Variants in TPRG1 observed in about 807,000 individuals in gnomAD.
TPRG1 encodes tumor protein p63-regulated gene 1 protein.
Under a neutral mutation model 29.3 loss-of-function variants are expected in TPRG1, and 29 were observed. The observed-to-expected ratio is 0.99, with a 90% CI of 0.74 to 1.35. TPRG1 has a LOEUF of 1.35. TPRG1 is among the 40% of genes most tolerant of loss of function. TPRG1 has a pLI of 0.00. For synonymous variants in TPRG1, 130 were observed against 116.8 expected, an observed-to-expected ratio of 1.11 and a Z score of -0.73; for missense variants, 327 against 335.0, an observed-to-expected ratio of 0.98 and a Z score of 0.19.
At chr3:189,285,801 A>G (rs568500696) in intron 4 of TPRG1, among the ~76,000 whole-genome samples, 2 of 152,308 alleles carry the variant, frequency 1.3e-5, no homozygotes, top group East Asian at 3.9e-4. Context: ...CTGACTCCAA[A>G]GCCTGTGATT....
rs1375934 is a variant in TPRG1 at position 189,174,550 on chromosome 3, C to A, written c.-10+2419C>A. Among the ~76,000 whole-genome samples the A allele has an allele frequency of 5.6e-3, 854 of 152,280 alleles. 9 individuals are homozygous for A. The highest frequency in any genetic ancestry group is 0.018 in the African/African-American group (749 of 41,558). On this transcript the variant is annotated intron_variant, in intron 1 of 5. Coordinates refer to ENST00000345063, the MANE Select transcript of TPRG1 (RefSeq NM_198485.4). ...ATTCCTTTCAATCATTCTCTTTCAA[C>A]GGAAACCTAGTTCTACATAATGACA...
intron 5 of TPRG1, among the ~76,000 whole-genome samples, chr3:189,314,758 T>C (rs747082439): frequency 1.3e-5 from 2 of 152,220 alleles, no homozygotes; most frequent in Admixed American, 6.5e-5. Flanking sequence ...ATTTGAATAC[T>C]ATTTTCATGT....
intron 5 of TPRG1, among the ~76,000 whole-genome samples, chr3:189,157,893 T>C (rs2108619931): frequency 6.6e-6 from 1 of 152,300 alleles, no homozygotes; most frequent in Non-Finnish European, 1.5e-5. Context: ...AGCACAAGAC[T>C]GAATGACTGG....
chr3:189,293,892 C>A (rs1307297968), intron 4 of TPRG1, among the ~76,000 whole-genome samples: 1 of 152,184 alleles, frequency 6.6e-6, no homozygotes, highest in Admixed American at 6.5e-5. Context: ...CAGTTCATAT[C>A]TCTTCCCTTA....
intron 4 of TPRG1, among the ~76,000 whole-genome samples, chr3:189,057,994 T>C (rs911029337): frequency 1.3e-5 from 2 of 151,794 alleles, no homozygotes; most frequent in Non-Finnish European, 2.9e-5. Context: ...TGTGTATATA[T>C]TATGCTGAAT....
chr3:189,211,073 A>G (rs1342203777), intron 2 of TPRG1, among the ~76,000 whole-genome samples: 1 of 152,170 alleles, frequency 6.6e-6, no homozygotes, highest in Non-Finnish European at 1.5e-5. Flanking sequence ...CTGCTCTTAT[A>G]TATTTAGGTG....
chr3:189,155,755 G>A (rs1726584772), intron 5 of TPRG1, among the ~76,000 whole-genome samples: 2 of 152,222 alleles, frequency 1.3e-5, no homozygotes, highest in Non-Finnish European at 2.9e-5. Flanking sequence ...AATACTGCCT[G>A]ATCTCACTTA....
At chr3:189,215,234 A>T (rs1735884127) in intron 2 of TPRG1, 58 bp from the exon 3 acceptor site, 2 of 1,431,226 alleles carry the variant, frequency 1.4e-6, no homozygotes, top group Admixed American at 4.3e-5. Context: ...CTAACTAATC[A>T]TAAGCGCGAA....
intron 4 of TPRG1, among the ~76,000 whole-genome samples, chr3:189,059,651 A>T (rs1373580756): frequency 2.6e-5 from 4 of 152,128 alleles, no homozygotes; most frequent in Non-Finnish European, 5.9e-5. Context: ...GGTCTGTGAG[A>T]TAGTCAATAT....
intron 3 of TPRG1, among the ~76,000 whole-genome samples, chr3:189,019,029 G>C (rs890803748): frequency 7.9e-5 from 12 of 152,072 alleles, no homozygotes; most frequent in African/African-American, 2.9e-4. Context: ...TTGTCTCTCT[G>C]TTTGTCTGTT....
chr3:189,304,033 C>T (rs1344611534), intron 4 of TPRG1, among the ~76,000 whole-genome samples: 1 of 151,820 alleles, frequency 6.6e-6, no homozygotes, highest in Non-Finnish European at 1.5e-5. Context: ...CTTTTTTTCA[C>T]CTTTTAGGAG....
chr3:189,131,457 C>T (rs1416703480), intron 2 of TPRG1, among the ~76,000 whole-genome samples: 1 of 152,082 alleles, frequency 6.6e-6, no homozygotes, highest in African/African-American at 2.4e-5. Context: ...ATAAAATCTC[C>T]ATCTTGAAGG....
chr3:189,183,567 C>T (rs563358108), intron 1 of TPRG1, among the ~76,000 whole-genome samples: 16 of 151,990 alleles, frequency 1.1e-4, no homozygotes, highest in South Asian at 6.3e-4. Context: ...TCATAGAAGA[C>T]GACCACACCC....
At chr3:189,319,059 ACC>A (rs1480999904) in intron 5 of TPRG1, among the ~76,000 whole-genome samples, 1 of 152,112 alleles carries the variant, frequency 6.6e-6, no homozygotes. Context: ...CAGTTTACCT[ACC>A]AGATCCCCTC....
intron 4 of TPRG1, among the ~76,000 whole-genome samples, chr3:189,245,100 T>C (rs773277441): frequency 3.3e-5 from 5 of 152,132 alleles, no homozygotes; most frequent in Non-Finnish European, 5.9e-5. Context: ...TTTTGTATTT[T>C]TAGTAGAGAT....
At chr3:189,245,057 A>T (rs1040385249) in intron 4 of TPRG1, among the ~76,000 whole-genome samples, 1 of 152,048 alleles carries the variant, frequency 6.6e-6, no homozygotes, top group African/African-American at 2.4e-5. Context: ...AGTAGCTGAG[A>T]TTACAGGCAG....
At chr3:189,028,970 G>C (rs760922763) in intron 4 of TPRG1, among the ~76,000 whole-genome samples, 1 of 151,222 alleles carries the variant, frequency 6.6e-6, no homozygotes, top group Non-Finnish European at 1.5e-5. Context: ...CTTTCTCCTC[G>C]TCCCCAGTCA....
chr3:189,197,560 C>G (rs1169973564), intron 1 of TPRG1, among the ~76,000 whole-genome samples: 2 of 152,180 alleles, frequency 1.3e-5, no homozygotes, highest in African/African-American at 4.8e-5. Flanking sequence ...ATAAGTCACT[C>G]AATTCAATAT....
chr3:189,154,459 T>TG (rs1292646650), intron 5 of TPRG1, among the ~76,000 whole-genome samples: 2 of 146,858 alleles, frequency 1.4e-5, no homozygotes, highest in African/African-American at 5.0e-5. Context: ...TTTTTTTTTT[T>TG]GACATGGAGT....
Sources: allele counts gnomAD v4.1 joint callset (sites outside exome capture counted in the v4.1 genomes callset), GRCh38; gene constraint gnomAD v4.1.1; transcripts MANE v1.5; gene names NCBI Gene and HGNC (gene_info 2026-07-23, HGNC 2026-07-21).